SSPN: variants seen among roughly 807,000 people sequenced by gnomAD.
The protein encoded by SSPN is K-ras oncogene-associated protein.
Under a neutral mutation model 19.1 loss-of-function variants are expected in SSPN, and 15 were observed. The observed-to-expected ratio is 0.78, with a 90% CI of 0.52 to 1.21. The LOEUF is 1.21. SSPN is among the 50% of genes most tolerant of loss of function. The probability of loss-of-function intolerance (pLI) is 0.00; values close to 1 mark genes in which losing one functional copy is unlikely to be tolerated. For synonymous variants in SSPN, 147 were observed against 140.3 expected (o/e 1.05, Z -0.34); for missense variants, 291 against 314.0 (o/e 0.93, Z 0.55).
At chr12:26,151,484 C>T (rs1944525330) in intron 1 of SSPN, among the ~76,000 whole-genome samples, 1 of 152,150 alleles carries the variant, frequency 6.6e-6, no homozygotes, top group Non-Finnish European at 1.5e-5. Context: ...CTGAGGCACC[C>T]TTTCACATAC....
At chr12:26,127,085 A>G (rs1039621885) in intron 1 of SSPN, among the ~76,000 whole-genome samples, 1 of 152,226 alleles carries the variant, frequency 6.6e-6, no homozygotes, top group African/African-American at 2.4e-5. Flanking sequence ...TTTAAAAATT[A>G]AAACACCAGG....
chr12:26,230,944 T>C lies in SSPN; in HGVS notation c.600T>C (p.Ile200=), dbSNP rs771534175. 2 of 1,614,212 alleles carry C rather than the reference T, an allele frequency of 1.2e-6. No individual in the cohort carries two copies. The highest frequency in any genetic ancestry group is 3.3e-5 in the Admixed American group (2 of 60,034). The change falls in exon 3 of 3, where the codon ATT becomes ATC. Residue 200 remains isoleucine, a synonymous_variant. Coordinates refer to ENST00000242729, the MANE Select transcript of SSPN (RefSeq NM_005086.5). ...AACTGTTCTTACTCATCCAGATGAT[T>C]CTTAATTTGGTCTGCGGCCTTGTGT... ...TFKLFLLIQM[I]LNLVCGLVCL... is the part of the protein sequence containing the mutation.
At chr12:26,206,788 G>T (rs1246733850) in intron 1 of SSPN, among the ~76,000 whole-genome samples, 1 of 152,206 alleles carries the variant, frequency 6.6e-6, no homozygotes, top group Non-Finnish European at 1.5e-5. Context: ...CACAATCTTT[G>T]ATTCTCTTAC....
At chr12:26,172,182 A>G (rs1944657202) in intron 1 of SSPN, among the ~76,000 whole-genome samples, 1 of 152,132 alleles carries the variant, frequency 6.6e-6, no homozygotes, top group Non-Finnish European at 1.5e-5. Flanking sequence ...GAATGGATAT[A>G]ATATTTGATG....
intron 2 of SSPN, among the ~76,000 whole-genome samples, chr12:26,225,905 A>G (rs999741645): frequency 2.0e-5 from 3 of 152,036 alleles, no homozygotes; most frequent in African/African-American, 7.3e-5. Flanking sequence ...AAAACAGCAG[A>G]GTCAAAAGCA....
intron 1 of SSPN, among the ~76,000 whole-genome samples, chr12:26,203,926 T>C (rs1441457165): frequency 1.3e-5 from 2 of 152,188 alleles, no homozygotes; most frequent in East Asian, 1.9e-4. Context: ...TTTCTCTTCC[T>C]CTTCTCATGA....
chr12:26,143,913 G>A (rs1236604644), intron 1 of SSPN, among the ~76,000 whole-genome samples: 1 of 152,192 alleles, frequency 6.6e-6, no homozygotes, highest in African/African-American at 2.4e-5. Flanking sequence ...GATCTAGGTT[G>A]TGTGCTTTTT....
chr12:26,174,956 A>C (rs1944675584), intron 1 of SSPN, among the ~76,000 whole-genome samples: 1 of 152,148 alleles, frequency 6.6e-6, no homozygotes, highest in Non-Finnish European at 1.5e-5. Flanking sequence ...TTTCCCTCAG[A>C]ATGATTATTT....
At chr12:26,128,540 C>T (rs867809715) in intron 1 of SSPN, among the ~76,000 whole-genome samples, 1 of 152,074 alleles carries the variant, frequency 6.6e-6, no homozygotes, top group Non-Finnish European at 1.5e-5. Flanking sequence ...GTGAAGACTT[C>T]AGGTTAGTAA....
rs539771904 is a variant in SSPN, at chr12:26,122,126, C to T, written c.-57C>T. 8.4e-6 allele frequency: 13 copies of T among 1,548,826 alleles called. No individual in the cohort carries two copies. In the Admixed American group the frequency reaches 1.6e-4, roughly 19 times the overall value. On this transcript the variant is annotated 5_prime_UTR_variant, in exon 1 of 3. Transcript: ENST00000538142. Reference sequence around the variant, plus strand: ...CCTGAGCAGAGCTCTCCGGGTTCCCCGGCTCGCGGGGCCCGGCGAAGGGCA... The same window carrying T: ...CCTGAGCAGAGCTCTCCGGGTTCCCTGGCTCGCGGGGCCCGGCGAAGGGCA...
At chr12:26,176,721 A>G (rs1944686203) in intron 1 of SSPN, among the ~76,000 whole-genome samples, 1 of 152,190 alleles carries the variant, frequency 6.6e-6, no homozygotes, top group Admixed American at 6.5e-5. Context: ...TAACATGGGA[A>G]CATCGTCTCC....
chr12:26,164,465 A>C (rs1397153010), intron 1 of SSPN, among the ~76,000 whole-genome samples: 1 of 152,214 alleles, frequency 6.6e-6, no homozygotes, highest in Non-Finnish European at 1.5e-5. Context: ...GCTTGAGGCC[A>C]TGTGTTCTAG....
At chr12:26,216,999 C>T (rs1192041788) in intron 1 of SSPN, among the ~76,000 whole-genome samples, 19 of 141,454 alleles carry the variant, frequency 1.3e-4, no homozygotes, top group Non-Finnish European at 2.5e-4. Flanking sequence ...AGTTTGAAGT[C>T]AGGTAGTGTG....
intron 1 of SSPN, among the ~76,000 whole-genome samples, chr12:26,163,907 A>G (rs898187558): frequency 3.3e-5 from 5 of 152,382 alleles, no homozygotes; most frequent in Admixed American, 2.0e-4. Flanking sequence ...CTAAACAGTA[A>G]GGCCACCAAG....
At chr12:26,229,791 A>T (rs192124405) in intron 2 of SSPN, among the ~76,000 whole-genome samples, 49 of 152,332 alleles carry the variant, frequency 3.2e-4, no homozygotes, top group African/African-American at 1.1e-3. Context: ...CATTAAGATT[A>T]ACATTTCTAG....
intron 1 of SSPN, chr12:26,123,176 G>A (rs1281241333): frequency 6.3e-7 from 1 of 1,580,318 alleles, no homozygotes; most frequent in Admixed American, 1.7e-5. Context: ...CCCCTAGGAT[G>A]AGGAAGGGAT....
At chr12:26,215,266 G>C (rs1215212725) in intron 1 of SSPN, among the ~76,000 whole-genome samples, 2 of 152,100 alleles carry the variant, frequency 1.3e-5, no homozygotes, top group African/African-American at 4.8e-5. Flanking sequence ...CCACAAATCA[G>C]GAAATAAGTA....
chr12:26,208,979 T>C (rs1944956316), intron 1 of SSPN, among the ~76,000 whole-genome samples: 1 of 152,172 alleles, frequency 6.6e-6, no homozygotes, highest in African/African-American at 2.4e-5. Flanking sequence ...GTTATAAAGA[T>C]GATGGATAAG....
chr12:26,185,454 T>G (rs945259648), intron 1 of SSPN, among the ~76,000 whole-genome samples: 1 of 152,194 alleles, frequency 6.6e-6, no homozygotes, highest in East Asian at 1.9e-4. Context: ...AAAAAAGGGT[T>G]GGGTATTTAG....
Sources: allele counts gnomAD v4.1 joint callset (sites outside exome capture counted in the v4.1 genomes callset), GRCh38; gene constraint gnomAD v4.1.1; transcripts MANE v1.5; gene names NCBI Gene and HGNC (gene_info 2026-07-23, HGNC 2026-07-21).